LRRC3C: variants seen among roughly 807,000 people sequenced by gnomAD.
LRRC3C encodes the protein leucine-rich repeat-containing protein 3C.
LRRC3C carries 11 observed loss-of-function variants against 14.8 expected under a neutral mutation model. The ratio of observed to expected loss-of-function variants is 0.74; its 90% CI spans 0.47 to 1.23. The LOEUF is 1.23. LRRC3C is among the 50% of genes most tolerant of loss of function. The pLI is 0.00. For synonymous variants in LRRC3C, 149 were observed against 161.5 expected, an observed-to-expected ratio of 0.92 and a Z score of 0.59; for missense variants, 354 against 361.8, an observed-to-expected ratio of 0.98 and a Z score of 0.18.
intron 1 of LRRC3C, among the ~76,000 whole-genome samples, chr17:39,934,892 C>T (rs140942947): frequency 6.6e-6 from 1 of 152,268 alleles, no homozygotes; most frequent in East Asian, 1.9e-4. Flanking sequence ...CTTTTTAGAC[C>T]ATTTAAGGTA....
At chr17:39,931,366 A>C (rs1260849686) in intron 1 of LRRC3C, among the ~76,000 whole-genome samples, 1 of 151,060 alleles carries the variant, frequency 6.6e-6, no homozygotes, top group African/African-American at 2.4e-5. Context: ...GAATTACTTG[A>C]AACTGGGAGG....
intron 3 of LRRC3C, among the ~76,000 whole-genome samples, chr17:39,942,820 T>C (rs1459082586): frequency 4.6e-5 from 7 of 151,668 alleles, no homozygotes; most frequent in Non-Finnish European, 7.4e-5. Context: ...GGGAGAGGAA[T>C]GGAGTTGGGG....
intron 1 of LRRC3C, among the ~76,000 whole-genome samples, chr17:39,933,612 A>G (rs1316064898): frequency 6.6e-6 from 1 of 152,170 alleles, no homozygotes; most frequent in Non-Finnish European, 1.5e-5. Flanking sequence ...GGGCGCCTGT[A>G]ATCCCAGCTA....
At chr17:39,933,036 G>C (rs1978693639) in intron 1 of LRRC3C, among the ~76,000 whole-genome samples, 1 of 150,610 alleles carries the variant, frequency 6.6e-6, no homozygotes, top group Non-Finnish European at 1.5e-5. Flanking sequence ...TGGGCAACAA[G>C]AGTGGAACTT....
At position 39,938,210 on chromosome 17, in the gene LRRC3C, A is replaced by G. The variant is rs1047107429; in HGVS notation, c.-82+2316A>G. Among the ~76,000 whole-genome samples, 27 of 152,204 alleles carry G rather than the reference A, an allele frequency of 1.8e-4. 1 individual carries two copies. The highest frequency in any genetic ancestry group is 1.7e-3 in the Admixed American group (26 of 15,284). ...GCATCAGCAGTTTTCAAAACTGCCTATATACCAGTGTGCAGCCAAGTTGAG... is the reference window on the plus strand; with the variant it reads ...GCATCAGCAGTTTTCAAAACTGCCTGTATACCAGTGTGCAGCCAAGTTGAG... On this transcript the variant is annotated intron_variant, in intron 2 of 3. Coordinates refer to ENST00000377924, the MANE Select transcript of LRRC3C (RefSeq NM_001195545.2).
At chr17:39,933,649 C>T (rs28558198) in intron 1 of LRRC3C, among the ~76,000 whole-genome samples, 12,488 of 152,118 alleles carry the variant, frequency 0.082, 1,658 homozygotes, top group African/African-American at 0.28. Context: ...AGGAGAATGG[C>T]GTGAACCCGG....
At chr17:39,933,981 T>A (rs1978729167) in intron 1 of LRRC3C, among the ~76,000 whole-genome samples, 1 of 152,220 alleles carries the variant, frequency 6.6e-6, no homozygotes, top group Non-Finnish European at 1.5e-5. Flanking sequence ...AAGGCAGATG[T>A]TAAGCAGACA....
Position 39,939,411 on chromosome 17 carries a change from G to T in LRRC3C, c.-81-2032G>T, listed in dbSNP as rs1442980288. ...GGAGACATGTCTGTGCCTCCCTCCAGACCATCAATTCTCAACTCAGGCTGC... is the reference window on the plus strand; with the variant it reads ...GGAGACATGTCTGTGCCTCCCTCCATACCATCAATTCTCAACTCAGGCTGC... On this transcript the variant is annotated intron_variant, in intron 2 of 3. Coordinates refer to ENST00000377924, the MANE Select transcript of LRRC3C (RefSeq NM_001195545.2). 6.1e-6 allele frequency: 6 copies of T among 985,276 alleles called. No individual in the cohort carries two copies. In the African/African-American group the frequency reaches 1.0e-4, roughly 17 times the overall value. 61.0% of individuals were successfully genotyped at this position (985,276 alleles called of 1,614,324 possible).
Position 39,943,994 on chromosome 17 carries a change from C to T in LRRC3C, c.88C>T (p.Leu30=), listed in dbSNP as rs1979006241. Residue 30 remains leucine, a synonymous_variant, in exon 4 of 4, where the codon CTG becomes TTG. Coordinates refer to ENST00000377924, the MANE Select transcript of LRRC3C (RefSeq NM_001195545.2). ...CATGCTCCCAACAGCAGGTCACCTC[C>T]TGCCCCTCCTGCTGGTGATAGGCAC... ...MAMLPTAGHL[L]PLLLVIGTGG... is the part of the protein sequence containing the mutation. The T allele has an allele frequency of 4.6e-6, 7 of 1,536,156 alleles. No homozygotes were observed. Among genetic ancestry groups the T allele is most frequent in the Non-Finnish European group, 6.1e-6 (7 of 1,146,892 alleles).
intron 3 of LRRC3C, among the ~76,000 whole-genome samples, 181 bp from the exon 4 acceptor site, chr17:39,943,752 C>T (rs1978997143): frequency 6.6e-6 from 1 of 152,126 alleles, no homozygotes; most frequent in South Asian, 2.1e-4. Flanking sequence ...ATTGAGGAGA[C>T]TTAAATCAAG....
chr17:39,930,364 T>G (rs1978613753), intron 1 of LRRC3C, among the ~76,000 whole-genome samples: 1 of 132,698 alleles, frequency 7.5e-6, no homozygotes, highest in Admixed American at 8.1e-5. Context: ...ACTAAAAGTC[T>G]TATTTGGATC....
chr17:39,940,157 G>A lies in LRRC3C; in HGVS notation c.-81-1286G>A, dbSNP rs562499922. On this transcript the variant is annotated intron_variant, in intron 2 of 3. Coordinates refer to ENST00000377924, the MANE Select transcript of LRRC3C (RefSeq NM_001195545.2). ...GTTATCTGATTCCTTAGACAAATGTGAGTCTGCAAAATTCCCCTGTTGACA... is the reference window on the plus strand; with the variant it reads ...GTTATCTGATTCCTTAGACAAATGTAAGTCTGCAAAATTCCCCTGTTGACA... Among the ~76,000 whole-genome samples, 14 of 152,306 alleles carry A rather than the reference G, an allele frequency of 9.2e-5. No individual in the cohort carries two copies. The East Asian group carries it at 2.5e-3, about 27-fold the overall frequency.
Position 39,943,797 on chromosome 17 carries a change from G to A in LRRC3C, c.27-136G>A, listed in dbSNP as rs535180775. Reference sequence around the variant, plus strand: ...AATAAGGAAGTGAAAAAGTCACCCAGGCTTGAGAGAAGCCCCCAGAGAAGA... The same window carrying A: ...AATAAGGAAGTGAAAAAGTCACCCAAGCTTGAGAGAAGCCCCCAGAGAAGA... On this transcript the variant is annotated intron_variant, in intron 3 of 3. Transcript: ENST00000377924. 1.2e-5 allele frequency: 9 copies of A among 757,404 alleles called. No homozygotes were observed. The African/African-American group carries it at 1.4e-4, about 12-fold the overall frequency. 46.9% of individuals were successfully genotyped at this position (757,404 alleles called of 1,614,324 possible). A position where few individuals can be genotyped will look rare whatever the true frequency, so the allele number is the denominator to read the frequency against.
intron 3 of LRRC3C, 119 bp from the exon 4 acceptor site, chr17:39,943,814 C>A: frequency 1.1e-6 from 1 of 907,228 alleles, no homozygotes; most frequent in Non-Finnish European, 1.6e-6. Context: ...GAGAAGCCCC[C>A]AGAGAAGAGG....
At chr17:39,930,202 C>T (rs772322445) in intron 1 of LRRC3C, among the ~76,000 whole-genome samples, 1 of 142,558 alleles carries the variant, frequency 7.0e-6, no homozygotes, top group East Asian at 2.1e-4. Flanking sequence ...CAATTGAGCC[C>T]GGGAGGTCAA....
intron 1 of LRRC3C, among the ~76,000 whole-genome samples, chr17:39,933,841 G>A (rs1018966740): frequency 1.3e-5 from 2 of 152,208 alleles, no homozygotes; most frequent in African/African-American, 2.4e-5. Flanking sequence ...CTGAAGGGAG[G>A]GTGGTGAGGT....
At chr17:39,943,854 C>A in intron 3 of LRRC3C, 79 bp from the exon 4 acceptor site, 1 of 1,423,770 alleles carries the variant, frequency 7.0e-7, no homozygotes. Context: ...CCCAGAGGGA[C>A]CTCGGGAGGA....
At chr17:39,934,079 C>T (rs1978732080) in intron 1 of LRRC3C, among the ~76,000 whole-genome samples, 1 of 152,208 alleles carries the variant, frequency 6.6e-6, no homozygotes, top group Non-Finnish European at 1.5e-5. Flanking sequence ...CCAGCGGGCA[C>T]TCTGTTCTGC....
chr17:39,943,747 G>A (rs1297122087), intron 3 of LRRC3C, among the ~76,000 whole-genome samples, 186 bp from the exon 4 acceptor site: 3 of 152,148 alleles, frequency 2.0e-5, no homozygotes, highest in Non-Finnish European at 4.4e-5. Flanking sequence ...ACCCTATTGA[G>A]GAGACTTAAA....
Sources: gnomAD v4.1 joint callset for allele counts (sites outside exome capture counted in the v4.1 genomes callset) on GRCh38, gnomAD v4.1.1 for gene constraint, MANE v1.5 for transcripts, NCBI Gene and HGNC (gene_info 2026-07-23, HGNC 2026-07-21) for gene names.